Variants in AFP observed in about 807,000 individuals in gnomAD.
AFP encodes alpha fetoprotein.
A neutral mutation model predicts 78.9 loss-of-function variants in AFP; 64 were observed. The observed-to-expected ratio is 0.81, with a 90% CI of 0.66 to 1.00. The LOEUF (loss-of-function observed/expected upper bound fraction) is 1.00. Among genes scored for constraint, AFP ranks in the 50% least tolerant of loss-of-function variants. The probability of loss-of-function intolerance (pLI) is 0.00; values close to 1 mark genes in which losing one functional copy is unlikely to be tolerated. For synonymous variants in AFP, 254 were observed against 243.8 expected, an observed-to-expected ratio of 1.04 and a Z score of -0.39; for missense variants, 689 against 703.8, an observed-to-expected ratio of 0.98 and a Z score of 0.24.
chr4:73,449,292 C>T (rs1328692409), intron 8 of AFP, 43 bp from the exon 9 acceptor site: 4 of 1,580,308 alleles, frequency 2.5e-6, no homozygotes, highest in African/African-American at 2.7e-5. Flanking sequence ...CCTTTTGTCT[C>T]TTAGTTCCAA....
chr4:73,441,332 C>T (rs930244787), intron 4 of AFP, among the ~76,000 whole-genome samples: 5 of 151,658 alleles, frequency 3.3e-5, no homozygotes, highest in Admixed American at 6.6e-5. Context: ...TTTGGGAGGC[C>T]GAGGCGGGCG....
chr4:73,441,264 T>C (rs1175636769), intron 4 of AFP, among the ~76,000 whole-genome samples: 1 of 152,114 alleles, frequency 6.6e-6, no homozygotes, highest in Admixed American at 6.5e-5. Context: ...AAAGGTTTAC[T>C]GAACACTTAG....
chr4:73,441,430 T>C (rs930639398), intron 4 of AFP, among the ~76,000 whole-genome samples: 25 of 150,836 alleles, frequency 1.7e-4, no homozygotes, highest in African/African-American at 6.1e-4. Context: ...TAGCCGGGCG[T>C]GATGGTGGGC....
At position 73,438,161 on chromosome 4, in the gene AFP, A is replaced by AT. The variant is rs1719561559; in HGVS notation, c.138-8dup. On this transcript the variant is annotated splice_polypyrimidine_tract_variant and intron_variant, in intron 2 of 14. Coordinates refer to ENST00000395792, the MANE Select transcript of AFP (RefSeq NM_001134.3). ...GTCTGTTCCTTAAGGATTCACACGT[A>AT]TTTTTGTTTCAGGGCTACCATATTT... is the stretch of plus-strand genomic sequence containing the variant. The AT allele has an allele frequency of 3.7e-6, 6 of 1,613,118 alleles. No individual in the cohort carries two copies. The highest frequency in any genetic ancestry group is 1.1e-5 in the South Asian group (1 of 91,058).
chr4:73,454,175 G>A (rs1368819495), intron 13 of AFP, among the ~76,000 whole-genome samples: 1 of 151,712 alleles, frequency 6.6e-6, no homozygotes, highest in East Asian at 1.9e-4. Context: ...GTAAATAATT[G>A]ACGGTAATTT....
chr4:73,438,823 A>G (rs1719584606), intron 3 of AFP, among the ~76,000 whole-genome samples: 1 of 152,152 alleles, frequency 6.6e-6, no homozygotes, highest in South Asian at 2.1e-4. Flanking sequence ...TCTGGGCAGG[A>G]TATCAGCTTT....
rs1056806513 is a variant in AFP at position 73,452,535 on chromosome 4, T to C, written c.1563T>C (p.Tyr521=). The C allele has an allele frequency of 2.5e-6, 4 of 1,614,088 alleles. No individual in the cohort carries two copies. The highest frequency in any genetic ancestry group is 3.4e-6 in the Non-Finnish European group (4 of 1,179,974). The part of the protein sequence containing the change: ...CFSSLVVDET[Y]VPPAFSDDKF... The stretch of plus-strand genomic sequence containing the variant: ...GCAGCTTGGTGGTGGATGAAACATA[T>C]GTCCCTCCTGCATTCTCTGATGACA... The change falls in exon 12 of 15, where the codon TAT becomes TAC. Residue 521 remains tyrosine (Y), a synonymous_variant. Coordinates refer to ENST00000395792, the MANE Select transcript of AFP (RefSeq NM_001134.3).
chr4:73,452,270 C>G lies in AFP; in HGVS notation c.1429-131C>G, dbSNP rs114129123. The G allele has an allele frequency of 7.9e-4, 614 of 774,432 alleles. 3 individuals carry two copies. The African/African-American group carries it at 9.3e-3, about 12-fold the overall frequency. The allele number at this position is 774,432 out of a possible 1,614,324, so 48.0% of individuals were successfully genotyped here. A position where few individuals can be genotyped will look rare whatever the true frequency, so the allele number is the denominator to read the frequency against. On this transcript the variant is annotated intron_variant, in intron 11 of 14. Coordinates refer to ENST00000395792, the MANE Select transcript of AFP (RefSeq NM_001134.3). Reference sequence around the variant, plus strand: ...TATAATGTCACATGATCCTACATAGCAAATTTTCCTGTAATATTAATTATA... The same window carrying G: ...TATAATGTCACATGATCCTACATAGGAAATTTTCCTGTAATATTAATTATA...
chr4:73,450,239 G>A, intron 10 of AFP, 106 bp downstream of exon 10: 1 of 963,398 alleles, frequency 1.0e-6, no homozygotes, highest in Non-Finnish European at 1.6e-6. Flanking sequence ...TGTGAGGTCT[G>A]ATCTGTGGTA....
At chr4:73,450,269 A>G (rs1349358788) in intron 10 of AFP, 136 bp downstream of exon 10, 2 of 777,276 alleles carry the variant, frequency 2.6e-6, no homozygotes, top group East Asian at 2.7e-5. Context: ...AGTTCCCCAT[A>G]CTGTGCAAAT....
intron 6 of AFP, among the ~76,000 whole-genome samples, chr4:73,444,063 C>T (rs993480808): frequency 1.3e-5 from 2 of 152,022 alleles, no homozygotes; most frequent in Non-Finnish European, 2.9e-5. Flanking sequence ...TATATATATT[C>T]AGAGTTTATT....
At position 73,442,433 on chromosome 4, in the gene AFP, C is replaced by G. The variant is rs970406398; in HGVS notation, c.615+5C>G. 4.3e-6 allele frequency: 7 copies of G among 1,613,796 alleles called. No individual in the cohort carries two copies. Among genetic ancestry groups the G allele is most frequent in the Admixed American group, 1.7e-5 (1 of 59,994 alleles). ...GTTGAATGCTTCCAAACAAAGGTATCATATTTGCGTGGATATCTGAACCAG... is the reference window on the plus strand; with the variant it reads ...GTTGAATGCTTCCAAACAAAGGTATGATATTTGCGTGGATATCTGAACCAG... On this transcript the variant is annotated splice_donor_5th_base_variant and intron_variant, in intron 5 of 14. Coordinates refer to ENST00000395792, the MANE Select transcript of AFP (RefSeq NM_001134.3).
chr4:73,449,303 T>C, intron 8 of AFP, 32 bp from the exon 9 acceptor site: 1 of 1,599,596 alleles, frequency 6.3e-7, no homozygotes, highest in Non-Finnish European at 8.6e-7. Flanking sequence ...TTAGTTCCAA[T>C]AACTTGAAAT....
chr4:73,453,561 A>C (rs1023364158), intron 12 of AFP: 2 of 598,696 alleles, frequency 3.3e-6, no homozygotes, highest in African/African-American at 1.9e-5. Flanking sequence ...CACAACCTGC[A>C]CAACTCCAGG....
intron 9 of AFP, 144 bp downstream of exon 9, chr4:73,449,611 C>A: frequency 1.0e-6 from 1 of 996,996 alleles, no homozygotes; most frequent in Non-Finnish European, 1.5e-6. Flanking sequence ...CTGTTATTAA[C>A]TAGCAGTCAG....
chr4:73,450,512 T>C, intron 10 of AFP, 103 bp from the exon 11 acceptor site: 12 of 1,550,776 alleles, frequency 7.7e-6, no homozygotes, highest in Non-Finnish European at 1.1e-5. Context: ...CGAGCTGACC[T>C]CATGTCTTCT....
chr4:73,437,397 G>A (rs1050181930), intron 2 of AFP, among the ~76,000 whole-genome samples, 186 bp downstream of exon 2: 6 of 151,940 alleles, frequency 3.9e-5, no homozygotes, highest in Non-Finnish European at 5.9e-5. Context: ...TAATGTCTTC[G>A]ACATTGACCT....
chr4:73,437,286 C>A (rs1345654594), intron 2 of AFP, 75 bp downstream of exon 2: 6 of 1,217,678 alleles, frequency 4.9e-6, no homozygotes, highest in South Asian at 1.2e-5. Flanking sequence ...AAATTGGGTA[C>A]CCCTGTGAGC....
chr4:73,436,354 T>A lies in AFP; in HGVS notation c.85+7T>A, dbSNP rs3796678. 824,851 of 1,506,510 alleles carry A rather than the reference T, an allele frequency of 0.55. 228,656 individuals are homozygous for A. Among genetic ancestry groups the A allele is most frequent in the Non-Finnish European group, 0.57 (626,246 of 1,100,988 alleles). The allele number at this position is 1,506,510 out of a possible 1,614,324, so 93.3% of individuals were successfully genotyped here. A position where few individuals can be genotyped will look rare whatever the true frequency, so the allele number is the denominator to read the frequency against. On this transcript the variant is annotated splice_region_variant and intron_variant, in intron 1 of 14. Transcript: ENST00000395792. ...AGAAATGAATATGGAATAGGTGAGA[T>A]ATTTTGTGTTTTTCTTGTCTTTTCT...
Sources: allele counts gnomAD v4.1 joint callset (sites outside exome capture counted in the v4.1 genomes callset), GRCh38; gene constraint gnomAD v4.1.1; transcripts MANE v1.5; gene names NCBI Gene and HGNC (gene_info 2026-07-23, HGNC 2026-07-21).